CADM1: variants seen among roughly 807,000 people sequenced by gnomAD.
CADM1 encodes cell adhesion molecule 1.
A neutral mutation model predicts 53.1 loss-of-function variants in CADM1; 15 were observed. That is an observed-to-expected ratio of 0.28 (90% confidence interval 0.19 to 0.44). CADM1 has a LOEUF of 0.44. Ranked by LOEUF, CADM1 falls within the 20% of genes least tolerant of loss-of-function variation. The pLI, the probability that CADM1 is intolerant of heterozygous loss-of-function variation, is 1.00. For missense variants in CADM1, 434 were observed against 611.3 expected (o/e 0.71, Z 3.06); for synonymous variants, 281 against 243.0 (o/e 1.16, Z -1.45).
intron 1 of CADM1, among the ~76,000 whole-genome samples, chr11:115,477,061 CGGGCAGGATA>C (rs1340181833): frequency 6.6e-6 from 1 of 151,902 alleles, no homozygotes; most frequent in Admixed American, 6.6e-5. Flanking sequence ...AGAACAGAGT[CGGGCAGGATA>C]GGGCAGGATA....
At chr11:115,498,788 T>C (rs1949674957) in intron 1 of CADM1, among the ~76,000 whole-genome samples, 1 of 152,184 alleles carries the variant, frequency 6.6e-6, no homozygotes, top group Non-Finnish European at 1.5e-5. Context: ...TACGGCCAGA[T>C]AATAATACTG....
At chr11:115,338,767 T>A (rs1251152122) in intron 1 of CADM1, among the ~76,000 whole-genome samples, 6 of 152,098 alleles carry the variant, frequency 3.9e-5, no homozygotes, top group African/African-American at 1.4e-4. Flanking sequence ...TAATCCTTCC[T>A]GGCATAAAAG....
rs2134759765 is a variant in CADM1 at position 115,214,774 on chromosome 11, C to A, written c.828G>T (p.Val276=). The A allele has an allele frequency of 6.2e-7, 1 of 1,613,858 alleles. No individual in the cohort carries two copies. Among genetic ancestry groups the A allele is most frequent in the African/African-American group, 1.3e-5 (1 of 75,010 alleles). ...CATCGACTCTCACCCAAGTTACCAT[C>A]ACAGGCCTGCAGGGGGAAGGGGAGG... The part of the protein sequence containing the change: ...TCEAIGKPQP[V]MVTWVRVDDE... Residue 276 remains valine, a synonymous_variant, in exon 7 of 12, where the codon GTG becomes GTT. Transcript: ENST00000331581.
intron 8 of CADM1, 41 bp from the exon 9 acceptor site, chr11:115,198,479 G>A: frequency 6.4e-7 from 1 of 1,563,582 alleles, no homozygotes; most frequent in Non-Finnish European, 8.7e-7. Flanking sequence ...GGAAGAAACA[G>A]GAGGAACGGC....
Position 115,174,607 on chromosome 11 carries a change from A to G in CADM1, c.*1867T>C. 1.0e-6 allele frequency: 1 copy of G among 984,708 alleles called. No homozygotes were observed. Among genetic ancestry groups the G allele is most frequent in the Non-Finnish European group, 1.2e-6 (1 of 828,920 alleles). The allele number at this position is 984,708 out of a possible 1,614,324, so 61.0% of individuals were successfully genotyped here. On this transcript the variant is annotated 3_prime_UTR_variant, in exon 12 of 12. Transcript: ENST00000331581. ...GTTAAAATAAAGACAAGAAAAATAA[A>G]CATGTTTTCAAATAACAAAGAGTTG...
rs6144515 is a variant in CADM1, at chr11:115,306,072, C to CCA, written c.125-65654_125-65653dup. Among the ~76,000 whole-genome samples, 987 of 130,420 alleles carry CCA rather than the reference C, an allele frequency of 7.6e-3. 14 individuals are homozygous for CCA. The highest frequency in any genetic ancestry group is 0.027 in the African/African-American group (927 of 34,752). 85.6% of individuals were successfully genotyped at this position (130,420 alleles called of 152,430 possible). On this transcript the variant is annotated intron_variant, in intron 1 of 11. Coordinates refer to ENST00000331581, the MANE Select transcript of CADM1 (RefSeq NM_001301043.2). ...AAGGGATATTTGCAGAGGATATATA[C>CCA]CACACACACACACACACACACACAC...
intron 1 of CADM1, among the ~76,000 whole-genome samples, chr11:115,271,086 C>T (rs1275632754): frequency 6.6e-6 from 1 of 152,166 alleles, no homozygotes; most frequent in African/African-American, 2.4e-5. Context: ...GGCTTAGGGA[C>T]TGATGTGTTA....
chr11:115,303,962 T>C (rs1302913124), intron 1 of CADM1, among the ~76,000 whole-genome samples: 1 of 152,026 alleles, frequency 6.6e-6, no homozygotes, highest in Non-Finnish European at 1.5e-5. Flanking sequence ...CACATACATT[T>C]TTGCAAAATT....
chr11:115,339,215 G>A (rs1271605611), intron 1 of CADM1, among the ~76,000 whole-genome samples: 1 of 152,042 alleles, frequency 6.6e-6, no homozygotes, highest in Non-Finnish European at 1.5e-5. Flanking sequence ...TCCCAAGTCA[G>A]TGTGGCGATT....
intron 1 of CADM1, among the ~76,000 whole-genome samples, chr11:115,319,723 T>C (rs1488924383): frequency 6.6e-6 from 1 of 152,156 alleles, no homozygotes; most frequent in Admixed American, 6.5e-5. Context: ...TAGGTACAGA[T>C]TGTCAATTAT....
At chr11:115,465,774 C>A (rs918877951) in intron 1 of CADM1, among the ~76,000 whole-genome samples, 2 of 140,302 alleles carry the variant, frequency 1.4e-5, no homozygotes, top group Non-Finnish European at 3.3e-5. Flanking sequence ...GATGAAACAG[C>A]CTCTATAACT....
chr11:115,189,511 C>A (rs752126479), intron 10 of CADM1, among the ~76,000 whole-genome samples: 1 of 151,878 alleles, frequency 6.6e-6, no homozygotes, highest in Non-Finnish European at 1.5e-5. Context: ...CTGTCTATTA[C>A]CAGAAATGCA....
chr11:115,239,492 G>A (rs1942140297), intron 2 of CADM1, among the ~76,000 whole-genome samples: 1 of 152,078 alleles, frequency 6.6e-6, no homozygotes, highest in Admixed American at 6.5e-5. Flanking sequence ...TCTTAATTTT[G>A]GCAAAGACTA....
At chr11:115,223,389 C>T (rs1413244864) in intron 5 of CADM1, among the ~76,000 whole-genome samples, 1 of 152,166 alleles carries the variant, frequency 6.6e-6, no homozygotes, top group East Asian at 1.9e-4. Context: ...AGCTTCACAA[C>T]TATTTAACCT....
At chr11:115,488,788 C>T (rs1949432597) in intron 1 of CADM1, among the ~76,000 whole-genome samples, 1 of 152,184 alleles carries the variant, frequency 6.6e-6, no homozygotes, top group African/African-American at 2.4e-5. Context: ...ATAGTGGAAG[C>T]ATCGCCACAA....
intron 10 of CADM1, 156 bp downstream of exon 10, chr11:115,190,732 T>C: frequency 1.7e-6 from 1 of 572,676 alleles, no homozygotes; most frequent in South Asian, 2.4e-5. Context: ...GGTGAGTGGG[T>C]GACCGGGGAG....
intron 10 of CADM1, 118 bp downstream of exon 10, chr11:115,190,766 GTTTT>G: frequency 1.4e-6 from 1 of 738,230 alleles, no homozygotes; most frequent in Non-Finnish European, 2.3e-6. Context: ...ATACAAATTT[GTTTT>G]TTGTTAGTCT....
intron 1 of CADM1, among the ~76,000 whole-genome samples, chr11:115,294,696 A>C (rs1944000581): frequency 1.3e-5 from 2 of 152,210 alleles, no homozygotes; most frequent in African/African-American, 4.8e-5. Flanking sequence ...CAAAAAGCCT[A>C]AATAAAAATT....
Position 115,213,030 on chromosome 11 carries a change from A to G in CADM1, c.994+1578T>C, listed in dbSNP as rs1941028403. Among the ~76,000 whole-genome samples the G allele has an allele frequency of 2.0e-5, 3 of 152,246 alleles. No homozygotes were observed. In the South Asian group the frequency reaches 6.2e-4, roughly 32 times the overall value. On this transcript the variant is annotated intron_variant, in intron 7 of 11. Coordinates refer to ENST00000331581, the MANE Select transcript of CADM1 (RefSeq NM_001301043.2). The stretch of plus-strand genomic sequence containing the variant: ...CAATAAATCAAAACTGTTTATCCAG[A>G]TAACTTAGTGTTCTGAATCAAGGAT...
Sources: allele counts gnomAD v4.1 joint callset (sites outside exome capture counted in the v4.1 genomes callset), GRCh38; gene constraint gnomAD v4.1.1; transcripts MANE v1.5; gene names NCBI Gene and HGNC (gene_info 2026-07-23, HGNC 2026-07-21).